The following SCNN1B variants were observed in gnomAD, a reference collection of about 807,000 sequenced individuals.
The protein encoded by SCNN1B is epithelial sodium channel subunit beta.
In SCNN1B, 46 loss-of-function variants were observed where a neutral mutation model predicts 65.3. The ratio of observed to expected loss-of-function variants is 0.70; its 90% CI spans 0.56 to 0.90. SCNN1B has a LOEUF of 0.90. Among genes scored for constraint, SCNN1B ranks in the 40% least tolerant of loss-of-function variants. The probability of loss-of-function intolerance (pLI) is 0.00; values close to 1 mark genes in which losing one functional copy is unlikely to be tolerated. For synonymous variants in SCNN1B, 349 were observed against 330.6 expected (o/e 1.06, Z -0.60); for missense variants, 751 against 830.5 (o/e 0.90, Z 1.18).
intron 2 of SCNN1B, among the ~76,000 whole-genome samples, chr16:23,295,330 C>T (rs1029462264): frequency 2.0e-5 from 3 of 152,080 alleles, no homozygotes; most frequent in African/African-American, 4.8e-5. Flanking sequence ...GCAATCCTCC[C>T]ACCTCAGCTT....
intron 1 of SCNN1B, among the ~76,000 whole-genome samples, chr16:23,322,881 C>G (rs1172610881): frequency 6.6e-6 from 1 of 151,968 alleles, no homozygotes; most frequent in East Asian, 1.9e-4. Context: ...TATTGGTCCT[C>G]AGAAAATATT....
chr16:23,354,761 C>T (rs1196566104), intron 3 of SCNN1B, among the ~76,000 whole-genome samples: 1 of 152,120 alleles, frequency 6.6e-6, no homozygotes, highest in Non-Finnish European at 1.5e-5. Context: ...TTGTGTGAAT[C>T]TATGTATATG....
chr16:23,377,790 CTTCT>C (rs796420919), intron 10 of SCNN1B, among the ~76,000 whole-genome samples: 1 of 97,300 alleles, frequency 1.0e-5, no homozygotes, highest in South Asian at 3.4e-4. Flanking sequence ...CCCTCCCTTC[CTTCT>C]TTCCTTCCTT....
intron 3 of SCNN1B, 200 bp downstream of exon 3, chr16:23,353,274 G>T (rs1410317935): frequency 4.8e-6 from 3 of 621,114 alleles, no homozygotes; most frequent in Non-Finnish European, 8.5e-6. Context: ...AAGTGATCCA[G>T]CTCACACTAG....
At chr16:23,378,871 G>A in intron 11 of SCNN1B, 104 bp downstream of exon 11, 1 of 1,098,500 alleles carries the variant, frequency 9.1e-7, no homozygotes, top group Non-Finnish European at 1.4e-6. Flanking sequence ...TTCTCACATG[G>A]GTCAGACCGA....
chr16:23,378,833 T>C (rs943881851), intron 11 of SCNN1B, 66 bp downstream of exon 11: 5 of 1,458,346 alleles, frequency 3.4e-6, no homozygotes, highest in East Asian at 2.3e-5. Context: ...GGGCAGGAGT[T>C]TGGACACAGG....
At chr16:23,375,593 C>T in intron 7 of SCNN1B, 145 bp from the exon 8 acceptor site, 1 of 752,136 alleles carries the variant, frequency 1.3e-6, no homozygotes, top group Non-Finnish European at 2.5e-6. Flanking sequence ...CATCTCACCA[C>T]AGCTTCTCAG....
chr16:23,332,723 T>C (rs1483271612), intron 1 of SCNN1B, among the ~76,000 whole-genome samples: 1 of 152,144 alleles, frequency 6.6e-6, no homozygotes, highest in Non-Finnish European at 1.5e-5. Context: ...GATTCCATCC[T>C]AGTGGAGTGA....
chr16:23,293,892 C>G (rs1465956891), intron 2 of SCNN1B, among the ~76,000 whole-genome samples: 1 of 152,092 alleles, frequency 6.6e-6, no homozygotes, highest in Non-Finnish European at 1.5e-5. Context: ...CCACTGTACT[C>G]TAGCTTGGGC....
chr16:23,296,783 C>T (rs1567286910), intron 2 of SCNN1B, among the ~76,000 whole-genome samples: 1 of 151,994 alleles, frequency 6.6e-6, no homozygotes, highest in Non-Finnish European at 1.5e-5. Context: ...GGGCAGATCA[C>T]GGGGTCAGGA....
intron 4 of SCNN1B, among the ~76,000 whole-genome samples, chr16:23,366,568 C>T (rs1962673948): frequency 6.6e-6 from 1 of 151,920 alleles, no homozygotes; most frequent in Admixed American, 6.6e-5. Context: ...ACCCCATCTG[C>T]ACTAAAAATA....
At chr16:23,291,475 AGTGTGT>A (rs71858801) in intron 2 of SCNN1B, among the ~76,000 whole-genome samples, 190 of 145,558 alleles carry the variant, frequency 1.3e-3, no homozygotes, top group Middle Eastern at 3.7e-3. Context: ...TGTGTGTGTA[AGTGTGT>A]GTGTGTGTGT....
rs77210395 is a variant in SCNN1B at position 23,334,809 on chromosome 16, G to A, written c.-8-13783G>A. 9.5e-3 allele frequency among the ~76,000 whole-genome samples: 1,454 copies of A among 152,286 alleles called. 24 individuals are homozygous for A. Among genetic ancestry groups the A allele is most frequent in the African/African-American group, 0.032 (1,315 of 41,566 alleles). On this transcript the variant is annotated intron_variant, in intron 1 of 12. Coordinates refer to ENST00000343070, the MANE Select transcript of SCNN1B (RefSeq NM_000336.3). ...ATGAAGTGGAACTGTGGGGTCATGG[G>A]CTGTCACATTTTAAATGTAGTAGGG...
upstream of SCNN1B, among the ~76,000 whole-genome samples, chr16:23,300,527 A>ATT (rs896949193): frequency 2.0e-5 from 3 of 147,094 alleles, no homozygotes; most frequent in African/African-American, 7.4e-5. Flanking sequence ...CTTCCCACTG[A>ATT]TTTTTTTTTT....
rs773368777 is a variant in SCNN1B at position 23,348,804 on chromosome 16, A to T, written c.205A>T (p.Ile69Phe). The stretch of plus-strand genomic sequence containing the variant: ...CGCCCTCGTCTGCTGGCAGTGGGGC[A>T]TCTTCATCAGGACCTACTTGAGCTG... Reference protein sequence around the residue: ...FAALVCWQWGIFIRTYLSWEV... With the variant: ...FAALVCWQWGFFIRTYLSWEV... The change falls in exon 2 of 13, where the codon ATC (isoleucine) becomes TTC (phenylalanine). Residue 69 changes from isoleucine to phenylalanine, a missense_variant. Transcript: ENST00000343070. The surrounding 1 kb of genome is among the most constrained non-coding windows in gnomAD (Gnocchi z 4.5). 13 of 1,614,162 alleles carry T rather than the reference A, an allele frequency of 8.1e-6. No homozygotes were observed. The highest frequency in any genetic ancestry group is 8.5e-6 in the Non-Finnish European group (10 of 1,180,038).
intron 1 of SCNN1B, among the ~76,000 whole-genome samples, chr16:23,333,514 T>A (rs1206934119): frequency 6.6e-6 from 1 of 152,174 alleles, no homozygotes; most frequent in Non-Finnish European, 1.5e-5. Flanking sequence ...CCATAAAATG[T>A]TAATACCAAG....
chr16:23,305,658 G>C (rs1346783029), intron 1 of SCNN1B, among the ~76,000 whole-genome samples: 3 of 142,152 alleles, frequency 2.1e-5, no homozygotes, highest in Non-Finnish European at 3.1e-5. Flanking sequence ...GAGGTGAGAG[G>C]CTCCCCTGAG....
Position 23,355,152 on chromosome 16 carries a change from G to A in SCNN1B, c.586-147G>A, listed in dbSNP as rs937699278. The stretch of plus-strand genomic sequence containing the variant: ...GTAGCCCTTGAGCATGTGTGAGCAT[G>A]AGTGTGAACGTTTCCCACCACCAAG... On this transcript the variant is annotated intron_variant, in intron 3 of 12. Transcript: ENST00000343070. 3.3e-5 allele frequency: 25 copies of A among 752,728 alleles called. No homozygotes were observed. The African/African-American group carries it at 3.9e-4, about 12-fold the overall frequency. The allele number at this position is 752,728 out of a possible 1,614,324, so 46.6% of individuals were successfully genotyped here.
chr16:23,305,581 A>ATATATATATATATATAAATAT (rs1961198764), intron 1 of SCNN1B, among the ~76,000 whole-genome samples: 1 of 33,422 alleles, frequency 3.0e-5, no homozygotes, highest in African/African-American at 1.8e-4. Flanking sequence ...TATATATTAT[A>ATATATATATATATATAAATAT]TATATATATA....
Sources: allele counts gnomAD v4.1 joint callset (sites outside exome capture counted in the v4.1 genomes callset), GRCh38; gene constraint gnomAD v4.1.1; non-coding constraint Gnocchi (gnomAD v3.1); transcripts MANE v1.5; gene names NCBI Gene and HGNC (gene_info 2026-07-23, HGNC 2026-07-21).